Variants in THOP1 observed in about 807,000 individuals in gnomAD.
THOP1 encodes the protein thimet oligopeptidase.
Under a neutral mutation model 71.8 loss-of-function variants are expected in THOP1, and 49 were observed. The observed-to-expected ratio is 0.68, with a 90% CI of 0.54 to 0.87. The LOEUF (loss-of-function observed/expected upper bound fraction) is 0.87. Ranked by LOEUF, THOP1 falls within the 40% of genes least tolerant of loss-of-function variation. The pLI is 0.00. For missense variants in THOP1, 843 were observed against 975.6 expected, an observed-to-expected ratio of 0.86 and a Z score of 1.81; for synonymous variants, 426 against 421.5, an observed-to-expected ratio of 1.01 and a Z score of -0.13.
Position 2,800,539 on chromosome 19 carries a change from T to C in THOP1, c.589+748T>C, listed in dbSNP as rs181318039. Among the ~76,000 whole-genome samples the C allele has an allele frequency of 3.9e-4, 59 of 152,354 alleles. No individual in the cohort carries two copies. The East Asian group carries it at 0.011, about 28-fold the overall frequency. Reference sequence around the variant, plus strand: ...ATAACCTCCAGTTCTAGACTCTGAATGTAGTTGCCTCTGAGGTGGTGGGTG... The same window carrying C: ...ATAACCTCCAGTTCTAGACTCTGAACGTAGTTGCCTCTGAGGTGGTGGGTG... On this transcript the variant is annotated intron_variant, in intron 5 of 12. Coordinates refer to ENST00000307741, the MANE Select transcript of THOP1 (RefSeq NM_003249.5).
rs192709501 is a variant in THOP1 at position 2,813,632 on chromosome 19, C to T, written c.*356C>T. 317 of 205,188 alleles carry T rather than the reference C, an allele frequency of 1.5e-3. No individual in the cohort carries two copies. The highest frequency in any genetic ancestry group is 5.8e-3 in the African/African-American group (254 of 43,562). 12.7% of individuals were successfully genotyped at this position (205,188 alleles called of 1,614,324 possible). On this transcript the variant is annotated 3_prime_UTR_variant, in exon 13 of 13. Transcript: ENST00000307741. ...TCCCTGGCCTGGTCACTGGCTCCTG[C>T]GCTTTTTTGGTCCGAGGACGGTGGG... is the stretch of plus-strand genomic sequence containing the variant.
chr19:2,786,868 A>C (rs1401744182), intron 1 of THOP1: 1 of 149,588 alleles, frequency 6.7e-6, no homozygotes, highest in African/African-American at 2.5e-5. Flanking sequence ...GGTTCACGCC[A>C]TTCTCCTGCC....
Position 2,811,713 on chromosome 19 carries a change from G to C in THOP1, c.1887G>C (p.Gln629His). ...SMDMFHTRFK[Q>H]EGVLNSKVGM... ...ACATGTTCCACACGCGCTTCAAGCA[G>C]GAGGGTGTCCTGAACAGCAAGGTAC... is the stretch of plus-strand genomic sequence containing the variant. Residue 629 changes from glutamine (Q) to histidine (H), a missense_variant, in exon 12 of 13, where the codon CAG (glutamine) becomes CAC (histidine). By Grantham distance (24) the Gln-to-His change is conservative. Coordinates refer to ENST00000307741, the MANE Select transcript of THOP1 (RefSeq NM_003249.5). 2 of 1,613,414 alleles carry C rather than the reference G, an allele frequency of 1.2e-6. No individual in the cohort carries two copies. The highest frequency in any genetic ancestry group is 1.7e-6 in the Non-Finnish European group (2 of 1,179,912).
chr19:2,798,493 C>T (rs983359902), intron 4 of THOP1, among the ~76,000 whole-genome samples: 4 of 152,328 alleles, frequency 2.6e-5, no homozygotes, highest in South Asian at 2.1e-4. Context: ...CGGATGCTGG[C>T]GAGCAGAGTT....
chr19:2,791,170 T>C (rs182969881), intron 2 of THOP1, among the ~76,000 whole-genome samples: 5 of 152,232 alleles, frequency 3.3e-5, no homozygotes, highest in Admixed American at 3.3e-4. Flanking sequence ...ATCCTCCTCC[T>C]CTCCTTGGGG....
intron 1 of THOP1, 54 bp from the exon 2 acceptor site, chr19:2,790,367 C>T: frequency 1.4e-6 from 2 of 1,464,002 alleles, no homozygotes; most frequent in Non-Finnish European, 1.8e-6. Context: ...CTGACTTTGA[C>T]CCTAACTGAA....
Position 2,793,203 on chromosome 19 carries a change from C to T in THOP1, c.230-1561C>T, listed in dbSNP as rs889676259. ...ACAAACAAACAAAAAAAAACCCACA[C>T]ACTTCAGTGGTTTTTAATAAATTTG... On this transcript the variant is annotated intron_variant, in intron 2 of 12. Transcript: ENST00000307741. Among the ~76,000 whole-genome samples the T allele has an allele frequency of 2.6e-5, 4 of 152,132 alleles. No homozygotes were observed. In the South Asian group the frequency reaches 8.3e-4, roughly 32 times the overall value.
chr19:2,810,488 C>A lies in THOP1; in HGVS notation c.1640C>A (p.Thr547Lys). 6.4e-7 allele frequency: 1 copy of A among 1,551,074 alleles called. No individual in the cohort carries two copies. Residue 547 changes from threonine to lysine, a missense_variant and splice_region_variant, in exon 10 of 13, where the codon ACA becomes AAA. Coordinates refer to ENST00000307741, the MANE Select transcript of THOP1 (RefSeq NM_003249.5). The part of the protein sequence containing the change: ...EKLIESRQAN[T>K]GLFNLRQIVL... The stretch of plus-strand genomic sequence containing the variant: ...CTCATTGAGTCCCGGCAGGCCAACA[C>A]AGGTGCACCCGCCCCGTCCGGGGAA...
chr19:2,808,001 GC>G, intron 8 of THOP1, 193 bp downstream of exon 8: 1 of 800,172 alleles, frequency 1.2e-6, no homozygotes, highest in Non-Finnish European at 1.9e-6. Flanking sequence ...GTCTCACTCA[GC>G]CACCCCGACA....
At chr19:2,790,695 G>A (rs536873803) in intron 2 of THOP1, 62 bp downstream of exon 2, 19 of 1,430,824 alleles carry the variant, frequency 1.3e-5, no homozygotes, top group African/African-American at 4.3e-5. Flanking sequence ...CACCGCAGGC[G>A]GGAGTAGCCC....
chr19:2,814,851 C>T lies in THOP1; in HGVS notation c.*1575C>T, dbSNP rs575481667. On this transcript the variant is annotated 3_prime_UTR_variant, in exon 13 of 13. Transcript: ENST00000307741. Reference sequence around the variant, plus strand: ...GCTGAGGCGGAAGGATTGCTTGAGCCCAGGAGGGCAAGGCCAGCCTGGGCA... The same window carrying T: ...GCTGAGGCGGAAGGATTGCTTGAGCTCAGGAGGGCAAGGCCAGCCTGGGCA... 2 of 152,648 alleles carry T rather than the reference C, an allele frequency of 1.3e-5. No homozygotes were observed. Among genetic ancestry groups the T allele is most frequent in the Non-Finnish European group, 2.9e-5 (2 of 68,456 alleles). The allele number at this position is 152,648 out of a possible 1,614,324, so 9.5% of individuals were successfully genotyped here. A position where few individuals can be genotyped will look rare whatever the true frequency, so the allele number is the denominator to read the frequency against.
rs1178328901 is a variant in THOP1 at position 2,807,071 on chromosome 19, T to A, written c.886+19T>A. 1 of 1,598,388 alleles carries A rather than the reference T, an allele frequency of 6.3e-7. No homozygotes were observed. The highest frequency in any genetic ancestry group is 1.3e-5 in the African/African-American group (1 of 74,134). ...TTCCTAGGTAGCCCTTCCTTCCTCC[T>A]CCACTGGGGTCCCTGTGGGGAAGGT... On this transcript the variant is annotated intron_variant, in intron 7 of 12. Coordinates refer to ENST00000307741, the MANE Select transcript of THOP1 (RefSeq NM_003249.5).
intron 5 of THOP1, among the ~76,000 whole-genome samples, chr19:2,803,483 AAAT>A (rs1916208489): frequency 1.3e-5 from 2 of 152,192 alleles, no homozygotes; most frequent in African/African-American, 4.8e-5. Flanking sequence ...TTTTCTAAAA[AAAT>A]AAAAACTTCC....
In THOP1 at chr19:2,795,024, G is replaced by A. The variant is rs1043436207; in HGVS notation, c.378+112G>A. 20 of 1,295,494 alleles carry A rather than the reference G, an allele frequency of 1.5e-5. No individual in the cohort carries two copies. In the Admixed American group the frequency reaches 1.8e-4, roughly 11 times the overall value. The allele number at this position is 1,295,494 out of a possible 1,614,324, so 80.2% of individuals were successfully genotyped here. On this transcript the variant is annotated intron_variant, in intron 3 of 12. Transcript: ENST00000307741. ...TTTTTAGTAGAGACGGGGTTTCAAC[G>A]TGTTGGTCAGGCTAGTCTCGAACTC...
intron 1 of THOP1, among the ~76,000 whole-genome samples, chr19:2,786,576 C>T (rs1915747665): frequency 6.6e-6 from 1 of 151,912 alleles, no homozygotes; most frequent in African/African-American, 2.4e-5. Flanking sequence ...GCGATGTGAC[C>T]TGTGTACTGT....
Position 2,790,516 on chromosome 19 carries a change from A to G in THOP1, c.112A>G (p.Arg38Gly). The change falls in exon 2 of 13, where the codon AGG becomes GGG. Residue 38 changes from arginine (R) to glycine (G), a missense_variant. Physicochemically the swap from Arg to Gly is moderately radical, Grantham distance 125. Transcript: ENST00000307741. ...TGCCCAGCAGATAGAGGAGCGCACC[A>G]GGGAGCTCATCGAGCAGACCAAGCG... is the stretch of plus-strand genomic sequence containing the variant. ...LSAQQIEERT[R>G]ELIEQTKRVY... is the part of the protein sequence containing the mutation. The G allele has an allele frequency of 6.2e-7, 1 of 1,608,678 alleles. No individual in the cohort carries two copies. Among genetic ancestry groups the G allele is most frequent in the South Asian group, 1.1e-5 (1 of 90,480 alleles).
At chr19:2,811,832 CTGGGGA>C (rs879370473) in intron 12 of THOP1, 98 bp downstream of exon 12, 44,470 of 1,482,608 alleles carry the variant, frequency 0.03, 3,624 homozygotes, top group East Asian at 0.17. Context: ...TACGCGGGGA[CTGGGGA>C]CAGGGAGGGC....
At position 2,812,304 on chromosome 19, in the gene THOP1, A is replaced by C. The variant is rs1266593771; in HGVS notation, c.1908+570A>C. 9 of 1,535,384 alleles carry C rather than the reference A, an allele frequency of 5.9e-6. No homozygotes were observed. The East Asian group carries it at 2.0e-4, about 33-fold the overall frequency. Reference sequence around the variant, plus strand: ...GCCGCCAGAGTCCCTCACAAGGAACAGGTGGCTACCAGCTTTGAGGGCCGG... The same window carrying C: ...GCCGCCAGAGTCCCTCACAAGGAACCGGTGGCTACCAGCTTTGAGGGCCGG... On this transcript the variant is annotated intron_variant, in intron 12 of 12. Transcript: ENST00000307741.
Position 2,807,533 on chromosome 19 carries a change from G to A in THOP1, c.978G>A (p.Leu326=). Residue 326 remains leucine (L), a synonymous_variant, in exon 8 of 13, where the codon CTG becomes CTA. Coordinates refer to ENST00000307741, the MANE Select transcript of THOP1 (RefSeq NM_003249.5). ...GTGCGGAGTGCGAGCGCCGGGGCCT[G>A]CCCTTCGACGGCCGCATCCGTGCCT... The part of the protein sequence containing the change: ...LKRAECERRG[L]PFDGRIRAWD... 1.2e-6 allele frequency: 2 copies of A among 1,612,374 alleles called. No individual in the cohort carries two copies. The highest frequency in any genetic ancestry group is 2.2e-5 in the South Asian group (2 of 91,056).
Sources: allele counts gnomAD v4.1 joint callset (sites outside exome capture counted in the v4.1 genomes callset), GRCh38; gene constraint gnomAD v4.1.1; transcripts MANE v1.5; gene names NCBI Gene and HGNC (gene_info 2026-07-23, HGNC 2026-07-21).